CCDC91: variants seen among roughly 807,000 people sequenced by gnomAD.
The protein encoded by CCDC91 is coiled-coil domain containing 91.
CCDC91 carries 48 observed loss-of-function variants against 63.2 expected under a neutral mutation model. The ratio of observed to expected loss-of-function variants is 0.76; its 90% CI spans 0.60 to 0.97. CCDC91 has a LOEUF of 0.97. CCDC91 is among the 50% of genes least tolerant of loss of function. The probability of loss-of-function intolerance (pLI) is 0.00; values close to 1 mark genes in which losing one functional copy is unlikely to be tolerated. For synonymous variants in CCDC91, 167 were observed against 165.8 expected, an observed-to-expected ratio of 1.01 and a Z score of -0.06; for missense variants, 500 against 494.6, an observed-to-expected ratio of 1.01 and a Z score of -0.10.
intron 1 of CCDC91, chr12:28,236,719 A>G (rs1159439199): frequency 6.6e-6 from 1 of 152,118 alleles, no homozygotes; most frequent in Non-Finnish European, 1.5e-5. Flanking sequence ...GTAAAATGTG[A>G]AAATCGGGTT....
At chr12:28,408,643 T>C (rs1371994626) in intron 8 of CCDC91, among the ~76,000 whole-genome samples, 1 of 152,104 alleles carries the variant, frequency 6.6e-6, no homozygotes, top group Non-Finnish European at 1.5e-5. Flanking sequence ...GTTTATTTTT[T>C]TATTTTTTTA....
intron 1 of CCDC91, among the ~76,000 whole-genome samples, chr12:28,216,672 G>A (rs1160848866): frequency 6.6e-6 from 1 of 151,732 alleles, no homozygotes. Flanking sequence ...CTTAAAATAA[G>A]GTAACAGGCA....
chr12:28,368,858 A>G (rs1944434612), intron 7 of CCDC91, among the ~76,000 whole-genome samples: 1 of 151,484 alleles, frequency 6.6e-6, no homozygotes, highest in Non-Finnish European at 1.5e-5. Context: ...GAGAGAGATC[A>G]GAAGTGCACA....
intron 6 of CCDC91, among the ~76,000 whole-genome samples, chr12:28,356,427 G>C (rs769868501): frequency 2.6e-5 from 4 of 152,062 alleles, no homozygotes; most frequent in Non-Finnish European, 4.4e-5. Flanking sequence ...AGATGTGTTG[G>C]ATTTTTCAGA....
intron 6 of CCDC91, among the ~76,000 whole-genome samples, chr12:28,330,639 T>C (rs1225193895): frequency 1.3e-5 from 2 of 152,190 alleles, no homozygotes; most frequent in African/African-American, 2.4e-5. Flanking sequence ...TTGTCTATTT[T>C]GGTTTTTGTT....
chr12:28,306,049 T>C (rs1300671613), intron 4 of CCDC91, among the ~76,000 whole-genome samples: 1 of 152,230 alleles, frequency 6.6e-6, no homozygotes, highest in East Asian at 1.9e-4. Context: ...GAGTATCTCA[T>C]TTATTAAACT....
intron 11 of CCDC91, among the ~76,000 whole-genome samples, chr12:28,472,764 A>G (rs1194439584): frequency 1.3e-5 from 2 of 152,138 alleles, no homozygotes; most frequent in African/African-American, 4.8e-5. Context: ...TTCTCTTAAT[A>G]TTTTCCTTTT....
chr12:28,471,785 T>C (rs1950829684), intron 11 of CCDC91, among the ~76,000 whole-genome samples: 1 of 151,826 alleles, frequency 6.6e-6, no homozygotes, highest in Non-Finnish European at 1.5e-5. Flanking sequence ...GGTCTTGATC[T>C]GTCACCCAGA....
intron 3 of CCDC91, among the ~76,000 whole-genome samples, chr12:28,273,167 A>G (rs1243166570): frequency 6.6e-6 from 1 of 151,818 alleles, no homozygotes; most frequent in East Asian, 1.9e-4. Context: ...AAGGACATGA[A>G]CTCATCCTTT....
intron 12 of CCDC91, among the ~76,000 whole-genome samples, chr12:28,543,051 T>C (rs1593010387): frequency 6.6e-6 from 1 of 152,058 alleles, no homozygotes; most frequent in Non-Finnish European, 1.5e-5. Flanking sequence ...GGAAGTCTGT[T>C]CCATGCCTCT....
intron 1 of CCDC91, among the ~76,000 whole-genome samples, chr12:28,251,541 A>G (rs1946117111): frequency 6.6e-6 from 1 of 151,978 alleles, no homozygotes; most frequent in African/African-American, 2.4e-5. Flanking sequence ...TCATCATGCC[A>G]TGTTGTTTTT....
At chr12:28,396,072 G>A (rs892053853) in intron 8 of CCDC91, among the ~76,000 whole-genome samples, 5 of 152,146 alleles carry the variant, frequency 3.3e-5, no homozygotes, top group African/African-American at 1.2e-4. Context: ...GGAATAAATA[G>A]TAATACAAAA....
chr12:28,537,085 A>G (rs114947738), intron 12 of CCDC91, among the ~76,000 whole-genome samples: 2,467 of 152,200 alleles, frequency 0.016, 65 homozygotes, highest in African/African-American at 0.056. Flanking sequence ...CCTGAGTTAA[A>G]TTTGTTGTTG....
At chr12:28,297,301 A>C (rs1949615070) in intron 3 of CCDC91, among the ~76,000 whole-genome samples, 1 of 151,836 alleles carries the variant, frequency 6.6e-6, no homozygotes, top group Non-Finnish European at 1.5e-5. Flanking sequence ...ACTGGGAAAA[A>C]AAATTGCACA....
At chr12:28,279,096 C>G (rs1450348023) in intron 3 of CCDC91, among the ~76,000 whole-genome samples, 1 of 151,728 alleles carries the variant, frequency 6.6e-6, no homozygotes, top group Non-Finnish European at 1.5e-5. Flanking sequence ...TACCTTTCCT[C>G]TCTTGCAAGC....
intron 8 of CCDC91, among the ~76,000 whole-genome samples, chr12:28,449,766 A>G (rs1276055440): frequency 6.6e-6 from 1 of 151,972 alleles, no homozygotes; most frequent in Non-Finnish European, 1.5e-5. Flanking sequence ...TTGTTCATCA[A>G]GCAGATATTT....
chr12:28,529,721 G>A (rs1184556256), intron 12 of CCDC91, among the ~76,000 whole-genome samples: 2 of 152,156 alleles, frequency 1.3e-5, no homozygotes, highest in Admixed American at 1.3e-4. Context: ...TTAAGAAGGC[G>A]AATCTAGTTA....
In CCDC91 at chr12:28,412,844, C is replaced by T. The variant is rs183961283; in HGVS notation, c.762+21433C>T. The T allele has an allele frequency of 1.0e-4, 45 of 448,066 alleles. No homozygotes were observed. In the Admixed American group the frequency reaches 1.0e-3, roughly 10 times the overall value. The allele number at this position is 448,066 out of a possible 1,614,324, so 27.8% of individuals were successfully genotyped here. A position where few individuals can be genotyped will look rare whatever the true frequency, so the allele number is the denominator to read the frequency against. On this transcript the variant is annotated intron_variant, in intron 8 of 12. Coordinates refer to ENST00000536442, the MANE Select transcript of CCDC91 (RefSeq NM_018318.5). ...ACAGAGTGCTGATTGGTGTATTTTA[C>T]AATCCTCTTGTAAGACAGGAAAGTT... is the stretch of plus-strand genomic sequence containing the variant.
Position 28,453,622 on chromosome 12 carries a change from A to G in CCDC91, c.1101+968A>G, listed in dbSNP as rs564900409. Among the ~76,000 whole-genome samples, 169 of 151,672 alleles carry G rather than the reference A, an allele frequency of 1.1e-3. 2 individuals carry two copies. Among genetic ancestry groups the G allele is most frequent in the African/African-American group, 3.4e-3 (143 of 41,508 alleles). On this transcript the variant is annotated intron_variant, in intron 11 of 12. Transcript: ENST00000536442. ...TGTAGGTACCATCTATGTTAAAATA[A>G]CAGTAGTACAGTAGCAGATCTTTTT...
Sources: allele counts gnomAD v4.1 joint callset (sites outside exome capture counted in the v4.1 genomes callset), GRCh38; gene constraint gnomAD v4.1.1; transcripts MANE v1.5; gene names NCBI Gene and HGNC (gene_info 2026-07-23, HGNC 2026-07-21).